The following PCDHGA7 variants were observed in gnomAD, a reference collection of about 807,000 sequenced individuals.
PCDHGA7 encodes protocadherin gamma subfamily A, 7.
A neutral mutation model predicts 58.3 loss-of-function variants in PCDHGA7; 44 were observed. That is an observed-to-expected ratio of 0.75 (90% confidence interval 0.59 to 0.97). PCDHGA7 has a LOEUF of 0.97. Ranked by LOEUF, PCDHGA7 falls within the 50% of genes least tolerant of loss-of-function variation. The pLI is 0.00. For synonymous variants in PCDHGA7, 516 were observed against 504.2 expected (o/e 1.02, Z -0.31); for missense variants, 1,266 against 1,188.7 (o/e 1.06, Z -0.96).
chr5:141,426,317 C>A, intron 1 of PCDHGA7: 1 of 173,952 alleles, frequency 5.7e-6, no homozygotes, highest in African/African-American at 2.4e-5. Flanking sequence ...AGAAGCAGGA[C>A]CCGGCAGTGG....
At chr5:141,388,635 C>G (rs1441074974) in intron 1 of PCDHGA7, 7 of 1,613,896 alleles carry the variant, frequency 4.3e-6, no homozygotes, top group Non-Finnish European at 5.9e-6. Context: ...CAGGGTGAGC[C>G]TTTCAGAAAA....
Position 141,389,558 on chromosome 5 carries a change from A to G in PCDHGA7, c.2424+4235A>G, listed in dbSNP as rs778077135. 14 of 1,613,148 alleles carry G rather than the reference A, an allele frequency of 8.7e-6. No individual in the cohort carries two copies. The East Asian group carries it at 8.9e-5, about 10-fold the overall frequency. ...TGGACGACCGCAACGACAATGCGCC[A>G]CGGGTGCTGTACCCCGCGCTGGGTC... On this transcript the variant is annotated intron_variant, in intron 1 of 3. Transcript: ENST00000518325.
intron 1 of PCDHGA7, among the ~76,000 whole-genome samples, chr5:141,482,811 C>T (rs1397161943): frequency 2.0e-5 from 3 of 152,164 alleles, no homozygotes; most frequent in Non-Finnish European, 4.4e-5. Context: ...GTGGCTCATG[C>T]CTGTAATCCT....
intron 1 of PCDHGA7, chr5:141,403,543 G>C (rs1228327431): frequency 1.2e-6 from 2 of 1,614,006 alleles, no homozygotes; most frequent in Non-Finnish European, 1.7e-6. Context: ...TGGTGCTGGA[G>C]CGCGCCCTGG....
In PCDHGA7 at chr5:141,491,552, G is replaced by A. The variant is rs769927075; in HGVS notation, c.2425-3255G>A. 1 of 1,614,008 alleles carries A rather than the reference G, an allele frequency of 6.2e-7. No individual in the cohort carries two copies. The highest frequency in any genetic ancestry group is 1.7e-5 in the Admixed American group (1 of 60,024). On this transcript the variant is annotated intron_variant, in intron 1 of 3. Coordinates refer to ENST00000518325, the MANE Select transcript of PCDHGA7 (RefSeq NM_018920.4). This position sits in a 1 kb window ranked among gnomAD's most constrained non-coding sequence, Gnocchi z 6.9. Reference sequence around the variant, plus strand: ...ACGCTGCGGCCCACAGACTCGCAGAGCCACTGCTACAGGACGTGCTTTTCA... The same window carrying A: ...ACGCTGCGGCCCACAGACTCGCAGAACCACTGCTACAGGACGTGCTTTTCA...
At chr5:141,388,965 G>A in intron 1 of PCDHGA7, 2 of 1,613,978 alleles carry the variant, frequency 1.2e-6, no homozygotes, top group Non-Finnish European at 1.7e-6. Flanking sequence ...CGCCGAGCTG[G>A]GAACACATAT....
Position 141,383,222 on chromosome 5 carries a change from TC to T in PCDHGA7, c.325del (p.Leu109Ter). On this transcript the variant is annotated frameshift_variant, in exon 1 of 4. Transcript: ENST00000518325. LOFTEE classifies it high-confidence loss of function. ...GCGCGGTGTCTGGTAAACTTTAACA[TC>T]CTGATGGAAGATAAAATGAATCTTT... ...QSARCLVNFN[I>X]LMEDKMNLYP... The T allele has an allele frequency of 6.2e-7, 1 of 1,613,962 alleles. No individual in the cohort carries two copies.
At position 141,489,852 on chromosome 5, in the gene PCDHGA7, C is replaced by G. The variant is rs1197191101; in HGVS notation, c.2425-4955C>G. ...TAGAGCAGCAGCTGGATCGTGAAGC[C>G]CAGGCAAGACATCAGCTGGTGCTTA... On this transcript the variant is annotated intron_variant, in intron 1 of 3. Transcript: ENST00000518325. This position sits in a 1 kb window ranked among gnomAD's most constrained non-coding sequence, Gnocchi z 4.5. The G allele has an allele frequency of 6.2e-7, 1 of 1,614,034 alleles. No homozygotes were observed. Among genetic ancestry groups the G allele is most frequent in the Admixed American group, 1.7e-5 (1 of 60,004 alleles).
chr5:141,394,865 G>T (rs2093117021), intron 1 of PCDHGA7: 1 of 1,613,816 alleles, frequency 6.2e-7, no homozygotes, highest in Non-Finnish European at 8.5e-7. Flanking sequence ...CGGTCGACCC[G>T]AACGATTCGA....
intron 1 of PCDHGA7, chr5:141,414,875 T>G: frequency 6.2e-7 from 1 of 1,614,196 alleles, no homozygotes; most frequent in Non-Finnish European, 8.5e-7. Context: ...CCCGAGATCC[T>G]GTACCCCGCC....
intron 1 of PCDHGA7, chr5:141,393,129 A>T (rs2150509668): frequency 1.2e-6 from 2 of 1,613,426 alleles, no homozygotes; most frequent in Non-Finnish European, 1.7e-6. Flanking sequence ...TCTGATAAAT[A>T]TTAACACCCT....
At chr5:141,415,552 G>A in intron 1 of PCDHGA7, 1 of 1,614,098 alleles carries the variant, frequency 6.2e-7, no homozygotes, top group Admixed American at 1.7e-5. Context: ...TGAGAAAAAC[G>A]ATCCTTTGTC....
At chr5:141,450,006 C>CTATTTTTTTTTTTT (rs70988802) in intron 1 of PCDHGA7, among the ~76,000 whole-genome samples, 1 of 132,966 alleles carries the variant, frequency 7.5e-6, no homozygotes, top group Non-Finnish European at 1.6e-5. Flanking sequence ...TGCCATGTCT[C>CTATTTTTTTTTTTT]TTTTTTTTTT....
At chr5:141,430,781 C>G in intron 1 of PCDHGA7, 8 of 1,510,922 alleles carry the variant, frequency 5.3e-6, no homozygotes, top group Non-Finnish European at 7.1e-6. Context: ...GCGACTGCAC[C>G]GGGACTACAA....
At chr5:141,392,945 C>T (rs1561639150) in intron 1 of PCDHGA7, 1 of 1,613,916 alleles carries the variant, frequency 6.2e-7, no homozygotes. Flanking sequence ...AAGGCTCCTT[C>T]GTGGGTAATA....
Position 141,485,422 on chromosome 5 carries a change from C to G in PCDHGA7, c.2425-9385C>G, listed in dbSNP as rs775279056. 6.2e-7 allele frequency: 1 copy of G among 1,614,130 alleles called. No homozygotes were observed. Among genetic ancestry groups the G allele is most frequent in the East Asian group, 2.2e-5 (1 of 44,872 alleles). ...TCCGTGTGGATTTGGACAGCGGAGC[C>G]CTGCTCATCAAGAACCCAATCGACC... On this transcript the variant is annotated intron_variant, in intron 1 of 3. Transcript: ENST00000518325. The surrounding 1 kb of genome is among the most constrained non-coding windows in gnomAD (Gnocchi z 5.7).
At chr5:141,498,372 C>A (rs1008996197) in intron 2 of PCDHGA7, among the ~76,000 whole-genome samples, 3 of 151,730 alleles carry the variant, frequency 2.0e-5, no homozygotes, top group Admixed American at 1.3e-4. Flanking sequence ...GTGGTGAGGC[C>A]TCCTGGGATC....
intron 2 of PCDHGA7, among the ~76,000 whole-genome samples, chr5:141,500,793 A>G (rs1245472175): frequency 6.6e-6 from 1 of 152,210 alleles, no homozygotes; most frequent in Non-Finnish European, 1.5e-5. Context: ...ATTTTACAGA[A>G]TAAGTCCTCA....
At chr5:141,444,834 A>G (rs892892307) in intron 1 of PCDHGA7, among the ~76,000 whole-genome samples, 1 of 152,132 alleles carries the variant, frequency 6.6e-6, no homozygotes, top group African/African-American at 2.4e-5. Context: ...TTGTAGCTTT[A>G]TAGTAAGTCT....
Sources: allele counts gnomAD v4.1 joint callset (sites outside exome capture counted in the v4.1 genomes callset), GRCh38; gene constraint gnomAD v4.1.1; non-coding constraint Gnocchi (gnomAD v3.1); transcripts MANE v1.5; gene names NCBI Gene and HGNC (gene_info 2026-07-23, HGNC 2026-07-21).